Variants in TRIM29 observed in about 807,000 individuals in gnomAD.
The protein encoded by TRIM29 is tripartite motif containing 29, also known as tripartite motif-containing protein 29.
TRIM29 carries 52 observed loss-of-function variants against 57.3 expected under a neutral mutation model. That is an observed-to-expected ratio of 0.91 (90% CI 0.73 to 1.14). The LOEUF is 1.14. TRIM29 is among the 50% of genes most tolerant of loss of function. The pLI, the probability that TRIM29 is intolerant of heterozygous loss-of-function variation, is 0.00. For synonymous variants in TRIM29, 319 were observed against 316.9 expected (o/e 1.01, Z -0.07); for missense variants, 753 against 774.6 (o/e 0.97, Z 0.33).
In TRIM29 at chr11:120,137,500, C is replaced by G; in HGVS notation, c.532G>C (p.Gly178Arg). ...SEEVLCDSCI[G>R]NKQKAVKSCL... Reference sequence around the variant, plus strand: ...GACTTGACCGCCTTCTGCTTGTTGCCGATGCAGGAGTCGCACAGCACCTCC... The same window carrying G: ...GACTTGACCGCCTTCTGCTTGTTGCGGATGCAGGAGTCGCACAGCACCTCC... Residue 178 changes from glycine to arginine, a missense_variant, in exon 1 of 9, where the codon GGC becomes CGC. By Grantham distance (125) the Gly-to-Arg change is moderately radical. Coordinates refer to ENST00000341846, the MANE Select transcript of TRIM29 (RefSeq NM_012101.4). This position sits in a 1 kb window ranked among gnomAD's most constrained non-coding sequence, Gnocchi z 6.2. The G allele has an allele frequency of 6.2e-7, 1 of 1,602,690 alleles. No homozygotes were observed. The highest frequency in any genetic ancestry group is 2.2e-5 in the East Asian group (1 of 44,802).
rs144046675 is a variant in TRIM29 at position 120,132,050 on chromosome 11, A to T, written c.805-3555T>A. Reference sequence around the variant, plus strand: ...GCCAAGCTTCAACAACAGGACTCAGATCCTATTCTGTGCTTCAAGAGGCGC... The same window carrying T: ...GCCAAGCTTCAACAACAGGACTCAGTTCCTATTCTGTGCTTCAAGAGGCGC... On this transcript the variant is annotated intron_variant, in intron 1 of 8. Coordinates refer to ENST00000341846, the MANE Select transcript of TRIM29 (RefSeq NM_012101.4). Among the ~76,000 whole-genome samples the T allele has an allele frequency of 4.2e-4, 64 of 151,522 alleles. 1 individual carries two copies. In the East Asian group the frequency reaches 0.012, roughly 29 times the overall value.
intron 1 of TRIM29, among the ~76,000 whole-genome samples, chr11:120,133,816 C>G (rs1863763950): frequency 6.6e-6 from 1 of 152,156 alleles, no homozygotes; most frequent in Admixed American, 6.5e-5. Flanking sequence ...TGAACTGAAC[C>G]AAATGGTGGG....
chr11:120,137,289 A>G lies in TRIM29; in HGVS notation c.743T>C (p.Met248Thr), dbSNP rs1356006192. ...TDQTCICYLC[M>T]FQEHKNHSTV... ...GCTATGATTCTTGTGCTCCTGGAACATGCAAAGGTAGCAGATGCAGGTCTG... is the reference window on the plus strand; with the variant it reads ...GCTATGATTCTTGTGCTCCTGGAACGTGCAAAGGTAGCAGATGCAGGTCTG... Residue 248 changes from methionine (M) to threonine (T), a missense_variant, in exon 1 of 9, where the codon ATG (methionine) becomes ACG (threonine). Physicochemically the swap from Met to Thr is moderately conservative, Grantham distance 81. Coordinates refer to ENST00000341846, the MANE Select transcript of TRIM29 (RefSeq NM_012101.4). This position sits in a 1 kb window ranked among gnomAD's most constrained non-coding sequence, Gnocchi z 6.2. 6.2e-7 allele frequency: 1 copy of G among 1,614,064 alleles called. No individual in the cohort carries two copies. Among genetic ancestry groups the G allele is most frequent in the East Asian group, 2.2e-5 (1 of 44,880 alleles).
rs879318199 is a variant in TRIM29 at position 120,115,352 on chromosome 11, T to C, written c.1690A>G (p.Lys564Glu). The change falls in exon 8 of 9, where the codon AAG becomes GAG. Residue 564 changes from lysine to glutamate, a missense_variant. Transcript: ENST00000341846. The stretch of plus-strand genomic sequence containing the variant: ...ACTTCCCTTACCAGCATAGTCTGCT[T>C]GCCAGATTTCCAAGTCTGGGGCTGG... ...KAQPQTWKSG[K>E]QTMLSHYRPF... 4.3e-6 allele frequency: 7 copies of C among 1,613,526 alleles called. No homozygotes were observed. Among genetic ancestry groups the C allele is most frequent in the Non-Finnish European group, 5.9e-6 (7 of 1,179,882 alleles).
In TRIM29 at chr11:120,130,275, G is replaced by A. The variant is rs1246912672; in HGVS notation, c.805-1780C>T. On this transcript the variant is annotated intron_variant, in intron 1 of 8. Coordinates refer to ENST00000341846, the MANE Select transcript of TRIM29 (RefSeq NM_012101.4). ...CATCCCTGGAGAACTCCTGAGTGAA[G>A]TCCAAGGTCAGGGAACAGCTGGAGA... Among the ~76,000 whole-genome samples, 3 of 152,176 alleles carry A rather than the reference G, an allele frequency of 2.0e-5. No individual in the cohort carries two copies. The East Asian group carries it at 5.8e-4, about 29-fold the overall frequency.
intron 5 of TRIM29, chr11:120,121,554 G>A (rs1591322105): frequency 6.4e-6 from 1 of 155,540 alleles, no homozygotes; most frequent in African/African-American, 2.4e-5. Flanking sequence ...GGGGGAACCT[G>A]TTTCTTCCAT....
Position 120,137,928 on chromosome 11 carries a change from G to A in TRIM29, c.104C>T (p.Ala35Val). 6.2e-7 allele frequency: 1 copy of A among 1,609,298 alleles called. No individual in the cohort carries two copies. The highest frequency in any genetic ancestry group is 8.5e-7 in the Non-Finnish European group (1 of 1,180,008). ...GGTGGTCTTGGCATCCTTGCCGTCA[G>A]CCTTGGTGCCATTCTCCAGGCTGCC... The part of the protein sequence containing the change: ...PSGSLENGTK[A>V]DGKDAKTTNG... Residue 35 changes from alanine to valine, a missense_variant, in exon 1 of 9, where the codon GCT becomes GTT. By Grantham distance (64) the Ala-to-Val change is moderately conservative. Transcript: ENST00000341846. This position sits in a 1 kb window ranked among gnomAD's most constrained non-coding sequence, Gnocchi z 6.2.
chr11:120,116,962 G>A (rs1035691372), intron 7 of TRIM29: 5 of 412,664 alleles, frequency 1.2e-5, no homozygotes, highest in Admixed American at 5.9e-5. Flanking sequence ...CAGATACCGG[G>A]ATTATTTTTA....
At chr11:120,124,190 C>T (rs890293935) in intron 4 of TRIM29, 1 of 153,112 alleles carries the variant, frequency 6.5e-6, no homozygotes, top group Non-Finnish European at 1.5e-5. Flanking sequence ...CAGGGCCACA[C>T]CTGTACAGAG....
chr11:120,130,237 G>A (rs902649931), intron 1 of TRIM29, among the ~76,000 whole-genome samples: 9 of 152,112 alleles, frequency 5.9e-5, no homozygotes, highest in East Asian at 1.9e-4. Flanking sequence ...GGGTCTGTCC[G>A]AAGCACCTTT....
At chr11:120,118,580 C>A (rs367879105) in intron 6 of TRIM29, among the ~76,000 whole-genome samples, 2 of 152,294 alleles carry the variant, frequency 1.3e-5, no homozygotes, top group Non-Finnish European at 2.9e-5. Flanking sequence ...CAAGAGCAGC[C>A]CAGAGCTCTG....
intron 5 of TRIM29, chr11:120,120,977 C>G: frequency 2.3e-6 from 1 of 428,522 alleles, no homozygotes; most frequent in Non-Finnish European, 4.4e-6. Flanking sequence ...CCTAATGAGC[C>G]AGAAACACCT....
At chr11:120,117,368 C>G (rs1429215043) in intron 7 of TRIM29, 1 of 172,398 alleles carries the variant, frequency 5.8e-6, no homozygotes, top group African/African-American at 2.4e-5. Flanking sequence ...AATCCCTGTC[C>G]TGGGTATAGT....
intron 6 of TRIM29, among the ~76,000 whole-genome samples, chr11:120,119,033 T>TG (rs1863361269): frequency 6.6e-6 from 1 of 152,170 alleles, no homozygotes; most frequent in Non-Finnish European, 1.5e-5. Context: ...GTATGGTTGA[T>TG]GGATAGAATG....
chr11:120,112,042 C>T lies in TRIM29; in HGVS notation c.*372G>A, dbSNP rs1186369115. 2.9e-5 allele frequency: 8 copies of T among 277,106 alleles called. No homozygotes were observed. The highest frequency in any genetic ancestry group is 1.2e-3 in the Middle Eastern group (1 of 812). The allele number at this position is 277,106 out of a possible 1,614,324, so 17.2% of individuals were successfully genotyped here. A position where few individuals can be genotyped will look rare whatever the true frequency, so the allele number is the denominator to read the frequency against. The stretch of plus-strand genomic sequence containing the variant: ...GTCTATAGGCCTGGAGACAGCAGGG[C>T]GTGGGCGGGAGAGGCAGGCTGATAC... On this transcript the variant is annotated 3_prime_UTR_variant, in exon 9 of 9. Transcript: ENST00000341846.
intron 8 of TRIM29, 91 bp from the exon 9 acceptor site, chr11:120,112,567 G>T: frequency 7.1e-7 from 1 of 1,406,178 alleles, no homozygotes; most frequent in Non-Finnish European, 1.0e-6. Context: ...TCAGGAGGCA[G>T]CAGTGATCCA....
At chr11:120,113,089 T>C (rs1441268943) in intron 8 of TRIM29, among the ~76,000 whole-genome samples, 1 of 152,048 alleles carries the variant, frequency 6.6e-6, no homozygotes, top group African/African-American at 2.4e-5. Flanking sequence ...CAGGATTTTC[T>C]TTGCCTCTCT....
At chr11:120,125,619 G>T in intron 4 of TRIM29, 72 bp downstream of exon 4, 1 of 1,555,920 alleles carries the variant, frequency 6.4e-7, no homozygotes, top group Non-Finnish European at 8.8e-7. Context: ...GCCAGCCCAT[G>T]TCAGGCAGCA....
intron 1 of TRIM29, among the ~76,000 whole-genome samples, chr11:120,131,403 G>A (rs573577252): frequency 2.0e-5 from 3 of 152,252 alleles, no homozygotes; most frequent in South Asian, 4.2e-4. Context: ...GTTGAGCACC[G>A]AGGGGTGGAG....
Sources: allele counts gnomAD v4.1 joint callset (sites outside exome capture counted in the v4.1 genomes callset), GRCh38; gene constraint gnomAD v4.1.1; non-coding constraint Gnocchi (gnomAD v3.1); transcripts MANE v1.5; gene names NCBI Gene and HGNC (gene_info 2026-07-23, HGNC 2026-07-21).